C5orf47: variants seen among roughly 807,000 people sequenced by gnomAD.
The protein encoded by C5orf47 is uncharacterized protein C5orf47.
Under a neutral mutation model 20.6 loss-of-function variants are expected in C5orf47, and 20 were observed. That is an observed-to-expected ratio of 0.97 (90% confidence interval 0.68 to 1.41). C5orf47 has a LOEUF of 1.41. C5orf47 is among the 40% of genes most tolerant of loss of function. The pLI, the probability that C5orf47 is intolerant of heterozygous loss-of-function variation, is 0.00. For missense variants in C5orf47, 262 were observed against 238.4 expected, an observed-to-expected ratio of 1.10 and a Z score of -0.65; for synonymous variants, 106 against 97.3, an observed-to-expected ratio of 1.09 and a Z score of -0.53.
At chr5:174,000,073 CT>C (rs1276027453) in intron 3 of C5orf47, among the ~76,000 whole-genome samples, 2 of 152,098 alleles carry the variant, frequency 1.3e-5, no homozygotes, top group Admixed American at 1.3e-4. Flanking sequence ...ACATACTTTT[CT>C]GTTAAATGTG....
chr5:173,991,008 G>T (rs1220313590), intron 1 of C5orf47, among the ~76,000 whole-genome samples: 1 of 152,092 alleles, frequency 6.6e-6, no homozygotes, highest in Non-Finnish European at 1.5e-5. Flanking sequence ...GTTAAACATT[G>T]CTCACCATTC....
At position 173,989,568 on chromosome 5, in the gene C5orf47, C is replaced by A; in HGVS notation, c.305C>A (p.Thr102Asn). The change falls in exon 1 of 5, where the codon ACC becomes AAC. Residue 102 changes from threonine to asparagine, a missense_variant. Transcript: ENST00000340147. ...CGGGCATCGAGAGTTCAGAGCGGCACCAGACAGTCGGCGCGTGCAGGTGGT... is the reference window on the plus strand; with the variant it reads ...CGGGCATCGAGAGTTCAGAGCGGCAACAGACAGTCGGCGCGTGCAGGTGGT... Reference protein sequence around the residue: ...QLRASRVQSGTRQSARAGLIQ... With the variant: ...QLRASRVQSGNRQSARAGLIQ... 6.8e-7 allele frequency: 1 copy of A among 1,478,446 alleles called. No individual in the cohort carries two copies. Among genetic ancestry groups the A allele is most frequent in the Middle Eastern group, 1.8e-4 (1 of 5,676 alleles). The allele number at this position is 1,478,446 out of a possible 1,614,324, so 91.6% of individuals were successfully genotyped here.
At chr5:173,997,959 A>G (rs1167327703) in intron 1 of C5orf47, among the ~76,000 whole-genome samples, 194 bp from the exon 2 acceptor site, 1 of 152,110 alleles carries the variant, frequency 6.6e-6, no homozygotes, top group African/African-American at 2.4e-5. Flanking sequence ...TACTTGCCAG[A>G]TTATGTCTAG....
intron 1 of C5orf47, 95 bp from the exon 2 acceptor site, chr5:173,998,058 C>T (rs537037761): frequency 9.8e-6 from 7 of 717,330 alleles, no homozygotes; most frequent in Non-Finnish European, 1.6e-5. Flanking sequence ...TATAAAAATC[C>T]CCAAGGAGAC....
At chr5:174,000,145 C>T (rs1418674879) in intron 3 of C5orf47, among the ~76,000 whole-genome samples, 1 of 152,084 alleles carries the variant, frequency 6.6e-6, no homozygotes, top group Non-Finnish European at 1.5e-5. Context: ...TGAAGAAAAA[C>T]ATTTTAACTG....
At chr5:173,997,804 A>T (rs1339376673) in intron 1 of C5orf47, among the ~76,000 whole-genome samples, 1 of 152,126 alleles carries the variant, frequency 6.6e-6, no homozygotes, top group Admixed American at 6.5e-5. Context: ...GTCTGTCTGG[A>T]GTTGCACTGA....
At chr5:173,999,202 T>C (rs1224784515) in intron 2 of C5orf47, among the ~76,000 whole-genome samples, 1 of 152,174 alleles carries the variant, frequency 6.6e-6, no homozygotes, top group East Asian at 1.9e-4. Context: ...CTAGATCTAT[T>C]TGTTTGATTC....
chr5:174,009,144 G>C (rs565246913), downstream of C5orf47, among the ~76,000 whole-genome samples: 3 of 152,250 alleles, frequency 2.0e-5, no homozygotes, highest in South Asian at 6.2e-4. Context: ...CAGTGTCCTA[G>C]AGGTTGCCGT....
intron 1 of C5orf47, among the ~76,000 whole-genome samples, 161 bp downstream of exon 1, chr5:173,989,749 A>T (rs1372314687): frequency 6.6e-6 from 1 of 152,222 alleles, no homozygotes; most frequent in Admixed American, 6.5e-5. Flanking sequence ...AAGCCCAGTA[A>T]TTCCCTTCAG....
intron 1 of C5orf47, among the ~76,000 whole-genome samples, chr5:173,990,033 C>T (rs1034518482): frequency 1.3e-5 from 2 of 152,098 alleles, no homozygotes; most frequent in Non-Finnish European, 2.9e-5. Context: ...TCTTGATCAA[C>T]TTATTCCTAA....
At chr5:174,002,528 C>T (rs1453433203) in intron 4 of C5orf47, among the ~76,000 whole-genome samples, 1 of 152,092 alleles carries the variant, frequency 6.6e-6, no homozygotes, top group Non-Finnish European at 1.5e-5. Flanking sequence ...TAATACAAAG[C>T]ACTCCAGTAT....
rs748343268 is a variant in C5orf47, at chr5:173,999,834, C to G, written c.511+35C>G. 1.0e-5 allele frequency: 12 copies of G among 1,152,112 alleles called. No homozygotes were observed. The South Asian group carries it at 1.7e-4, about 17-fold the overall frequency. The allele number at this position is 1,152,112 out of a possible 1,614,324, so 71.4% of individuals were successfully genotyped here. ...CACAATTTTTATTGTATTAAAAAGA[C>G]TGGCCTCTGTAACAGTTTAGTTATC... is the stretch of plus-strand genomic sequence containing the variant. On this transcript the variant is annotated intron_variant, in intron 3 of 4. Transcript: ENST00000340147.
intron 4 of C5orf47, among the ~76,000 whole-genome samples, chr5:174,002,191 C>T (rs1462281464): frequency 6.6e-6 from 1 of 151,904 alleles, no homozygotes; most frequent in Non-Finnish European, 1.5e-5. Flanking sequence ...GAACTCCTGG[C>T]CTCAAGTGAT....
At chr5:173,995,210 CGT>C (rs1481807297) in intron 1 of C5orf47, among the ~76,000 whole-genome samples, 2 of 152,202 alleles carry the variant, frequency 1.3e-5, no homozygotes, top group Non-Finnish European at 2.9e-5. Context: ...TAAAACCTAT[CGT>C]GTGAGCACTA....
intron 4 of C5orf47, among the ~76,000 whole-genome samples, chr5:174,003,499 G>A (rs535848600): frequency 6.6e-6 from 1 of 152,204 alleles, no homozygotes; most frequent in South Asian, 2.1e-4. Flanking sequence ...TGAATTTTAG[G>A]TAATAGTGAG....
In C5orf47 at chr5:173,990,865, G is replaced by T. The variant is rs539276140; in HGVS notation, c.325+1277G>T. Among the ~76,000 whole-genome samples, 114 of 152,254 alleles carry T rather than the reference G, an allele frequency of 7.5e-4. 2 individuals are homozygous for T. In the Middle Eastern group the frequency reaches 0.01, roughly 14 times the overall value. ...AAGATATAGAACATTTCCATCACTTGTACTTACGGAATAACAGCTTTATTA... is the reference window on the plus strand; with the variant it reads ...AAGATATAGAACATTTCCATCACTTTTACTTACGGAATAACAGCTTTATTA... On this transcript the variant is annotated intron_variant, in intron 1 of 4. Transcript: ENST00000340147.
At chr5:173,990,321 C>T (rs962795764) in intron 1 of C5orf47, among the ~76,000 whole-genome samples, 1 of 152,068 alleles carries the variant, frequency 6.6e-6, no homozygotes, top group African/African-American at 2.4e-5. Context: ...GGGGGTCTCC[C>T]TGTGTTACCC....
At chr5:174,003,355 A>G (rs1759231622) in intron 4 of C5orf47, among the ~76,000 whole-genome samples, 1 of 152,164 alleles carries the variant, frequency 6.6e-6, no homozygotes, top group African/African-American at 2.4e-5. Context: ...TGAGGGTTGC[A>G]GAGGGTGCAG....
At chr5:173,994,597 T>C (rs1462216438) in intron 1 of C5orf47, among the ~76,000 whole-genome samples, 5 of 152,026 alleles carry the variant, frequency 3.3e-5, no homozygotes, top group Admixed American at 2.0e-4. Context: ...CATAGCTTAC[T>C]GAAAGAGAGA....
Sources: allele counts gnomAD v4.1 joint callset (sites outside exome capture counted in the v4.1 genomes callset), GRCh38; gene constraint gnomAD v4.1.1; transcripts MANE v1.5; gene names NCBI Gene and HGNC (gene_info 2026-07-23, HGNC 2026-07-21).